KIF6: variants seen among roughly 807,000 people sequenced by gnomAD.
KIF6 encodes kinesin-like protein KIF6.
Under a neutral mutation model 112.7 loss-of-function variants are expected in KIF6, and 106 were observed. That is an observed-to-expected ratio of 0.94 (90% confidence interval 0.80 to 1.11). The LOEUF is 1.11. KIF6 is among the 50% of genes least tolerant of loss of function. The pLI is 0.00. For synonymous variants in KIF6, 339 were observed against 339.9 expected (o/e 1.00, Z 0.03); for missense variants, 929 against 964.0 (o/e 0.96, Z 0.48).
chr6:39,387,827 C>T (rs770955951), intron 15 of KIF6, among the ~76,000 whole-genome samples: 36 of 152,184 alleles, frequency 2.4e-4, no homozygotes, highest in Non-Finnish European at 4.0e-4. Flanking sequence ...ATAGCACATG[C>T]ATGCTCCAAA....
At chr6:39,463,722 C>A (rs940728544) in intron 13 of KIF6, among the ~76,000 whole-genome samples, 3 of 152,212 alleles carry the variant, frequency 2.0e-5, no homozygotes, top group East Asian at 1.9e-4. Context: ...CAACACATCT[C>A]TTCTGAGTCC....
At chr6:39,467,939 T>TAATA (rs550420647) in intron 13 of KIF6, among the ~76,000 whole-genome samples, 4 of 151,996 alleles carry the variant, frequency 2.6e-5, no homozygotes, top group Non-Finnish European at 5.9e-5. Context: ...AAATGAAAAC[T>TAATA]AATAAATAAA....
At chr6:39,697,977 T>A (rs1788653974) in intron 3 of KIF6, among the ~76,000 whole-genome samples, 1 of 152,240 alleles carries the variant, frequency 6.6e-6, no homozygotes, top group African/African-American at 2.4e-5. Flanking sequence ...TTACATTGTT[T>A]ACTCATATAA....
In KIF6 at chr6:39,356,933, C is replaced by A. The variant is rs1163415118; in HGVS notation, c.2180+344G>T. Among the ~76,000 whole-genome samples, 4 of 152,158 alleles carry A rather than the reference C, an allele frequency of 2.6e-5. No individual in the cohort carries two copies. The East Asian group carries it at 7.7e-4, about 29-fold the overall frequency. The stretch of plus-strand genomic sequence containing the variant: ...CTACCCACTGTCCCACCACCACTGT[C>A]CCCCAAACCCCCTTCTCCCATGCTA... On this transcript the variant is annotated intron_variant, in intron 19 of 22. Coordinates refer to ENST00000287152, the MANE Select transcript of KIF6 (RefSeq NM_145027.6).
chr6:39,469,035 T>C (rs1440941644), intron 13 of KIF6, among the ~76,000 whole-genome samples: 1 of 151,696 alleles, frequency 6.6e-6, no homozygotes, highest in African/African-American at 2.4e-5. Flanking sequence ...AATAATAGCA[T>C]AAAAAAGGGA....
At chr6:39,397,307 G>A (rs1033610416) in intron 15 of KIF6, among the ~76,000 whole-genome samples, 1 of 152,174 alleles carries the variant, frequency 6.6e-6, no homozygotes, top group Non-Finnish European at 1.5e-5. Flanking sequence ...AATGCTGGTG[G>A]TAATGGTTCT....
intron 4 of KIF6, among the ~76,000 whole-genome samples, chr6:39,635,973 C>T (rs1246647465): frequency 6.6e-6 from 1 of 151,938 alleles, no homozygotes; most frequent in African/African-American, 2.4e-5. Flanking sequence ...GGATGACTTT[C>T]CTGATTGATT....
intron 13 of KIF6, among the ~76,000 whole-genome samples, chr6:39,531,539 C>T (rs1778059921): frequency 6.6e-6 from 1 of 152,154 alleles, no homozygotes; most frequent in African/African-American, 2.4e-5. Flanking sequence ...AGAGCTCCTC[C>T]TCTATCATAA....
At chr6:39,630,609 T>C (rs1784305206) in intron 5 of KIF6, among the ~76,000 whole-genome samples, 1 of 152,044 alleles carries the variant, frequency 6.6e-6, no homozygotes, top group Non-Finnish European at 1.5e-5. Context: ...ACATAGATAA[T>C]TGAATCATCT....
Position 39,540,313 on chromosome 6 carries a change from G to A in KIF6, c.1427-92C>T. Reference sequence around the variant, plus strand: ...AGTGTCATTAATGTTCCTAACATTTGCTATTTATCATGTGGTAAAGACTGA... The same window carrying A: ...AGTGTCATTAATGTTCCTAACATTTACTATTTATCATGTGGTAAAGACTGA... On this transcript the variant is annotated intron_variant, in intron 12 of 22. Transcript: ENST00000287152. 3 of 832,900 alleles carry A rather than the reference G, an allele frequency of 3.6e-6. No homozygotes were observed. In the South Asian group the frequency reaches 5.2e-5, roughly 15 times the overall value. 51.6% of individuals were successfully genotyped at this position (832,900 alleles called of 1,614,324 possible).
chr6:39,470,499 AC>A, intron 13 of KIF6, among the ~76,000 whole-genome samples: 2 of 152,250 alleles, frequency 1.3e-5, no homozygotes, highest in Non-Finnish European at 2.9e-5. Context: ...CTGCCAGTTG[AC>A]TGTCCTCAAG....
intron 13 of KIF6, among the ~76,000 whole-genome samples, chr6:39,482,930 G>T (rs1774886945): frequency 6.6e-6 from 1 of 152,182 alleles, no homozygotes; most frequent in African/African-American, 2.4e-5. Context: ...TTGTTCCCAG[G>T]TCTTATGACC....
intron 10 of KIF6, among the ~76,000 whole-genome samples, chr6:39,574,798 T>A (rs976256502): frequency 2.6e-5 from 4 of 152,212 alleles, no homozygotes; most frequent in Non-Finnish European, 2.9e-5. Context: ...AATATAGAGC[T>A]ATTCTCTATG....
intron 16 of KIF6, among the ~76,000 whole-genome samples, chr6:39,368,649 A>G (rs533996140): frequency 1.3e-5 from 2 of 152,298 alleles, no homozygotes; most frequent in East Asian, 3.9e-4. Context: ...CTGTGCCCCA[A>G]TCCCATATGG....
chr6:39,462,138 C>G (rs1773517018), intron 13 of KIF6, among the ~76,000 whole-genome samples: 1 of 152,114 alleles, frequency 6.6e-6, no homozygotes, highest in Non-Finnish European at 1.5e-5. Flanking sequence ...TCCTTTGAAG[C>G]TTGGCATGGC....
chr6:39,606,118 C>T (rs1004159283), intron 6 of KIF6, among the ~76,000 whole-genome samples: 28 of 151,888 alleles, frequency 1.8e-4, no homozygotes, highest in African/African-American at 6.7e-4. Context: ...TCTTCCTCTT[C>T]TTTTTCCCTC....
chr6:39,371,274 G>A (rs891201427), intron 16 of KIF6, among the ~76,000 whole-genome samples: 8 of 152,032 alleles, frequency 5.3e-5, no homozygotes, highest in African/African-American at 1.7e-4. Context: ...TGCAGGAGAA[G>A]GAAACCTGGA....
chr6:39,595,490 G>T (rs1454427733), intron 7 of KIF6, among the ~76,000 whole-genome samples: 1 of 152,114 alleles, frequency 6.6e-6, no homozygotes, highest in Non-Finnish European at 1.5e-5. Flanking sequence ...TACACAAAAT[G>T]CTAGTAGATC....
intron 13 of KIF6, among the ~76,000 whole-genome samples, chr6:39,454,948 C>T (rs1224784890): frequency 6.6e-6 from 1 of 151,916 alleles, no homozygotes; most frequent in Non-Finnish European, 1.5e-5. Context: ...GGGGGAGGGG[C>T]GCCCGCCATT....
Sources: gnomAD v4.1 joint callset for allele counts (sites outside exome capture counted in the v4.1 genomes callset) on GRCh38, gnomAD v4.1.1 for gene constraint, MANE v1.5 for transcripts, NCBI Gene and HGNC (gene_info 2026-07-23, HGNC 2026-07-21) for gene names.